CSMD1: variants seen among roughly 807,000 people sequenced by gnomAD.
CSMD1 encodes the protein CUB and sushi domain-containing protein 1.
In CSMD1, 213 loss-of-function variants were observed where a neutral mutation model predicts 417.5. That is an observed-to-expected ratio of 0.51 (90% CI 0.46 to 0.57). The LOEUF (loss-of-function observed/expected upper bound fraction) is 0.57. Ranked by LOEUF, CSMD1 falls within the 20% of genes least tolerant of loss-of-function variation. The probability of loss-of-function intolerance (pLI) is 0.00; values close to 1 mark genes in which losing one functional copy is unlikely to be tolerated. For missense variants in CSMD1, 6,923 were observed against 4,529.7 expected (o/e 1.53, Z -15.17); for synonymous variants, 2,862 against 1,736.8 (o/e 1.65, Z -16.11).
At chr8:4,280,410 T>C (rs1029442397) in intron 3 of CSMD1, among the ~76,000 whole-genome samples, 2 of 152,230 alleles carry the variant, frequency 1.3e-5, no homozygotes, top group Admixed American at 1.3e-4. Flanking sequence ...AATCTGACAA[T>C]TAAATTTTAG....
rs982619972 is a variant in CSMD1 at position 4,410,146 on chromosome 8, G to A, written c.415+9807C>T. Among the ~76,000 whole-genome samples, 4 of 152,228 alleles carry A rather than the reference G, an allele frequency of 2.6e-5. No individual in the cohort carries two copies. The South Asian group carries it at 8.3e-4, about 32-fold the overall frequency. On this transcript the variant is annotated intron_variant, in intron 3 of 69. Coordinates refer to ENST00000635120, the MANE Select transcript of CSMD1 (RefSeq NM_033225.6). ...TTATAATCTTTGAAGCCATCTTCTA[G>A]GCTAATCTAGGCCAAATGGAAGGAG...
chr8:4,008,766 A>T (rs1214190088), intron 4 of CSMD1, among the ~76,000 whole-genome samples: 1 of 151,148 alleles, frequency 6.6e-6, no homozygotes, highest in African/African-American at 2.4e-5. Context: ...ATCCGGCACC[A>T]CGCCTGGCTA....
At chr8:3,219,150 C>A (rs993796160) in intron 29 of CSMD1, 105 bp downstream of exon 29, 8 of 869,610 alleles carry the variant, frequency 9.2e-6, no homozygotes, top group Admixed American at 7.1e-5. Flanking sequence ...CACATATCAG[C>A]ATTTATGTAT....
intron 7 of CSMD1, among the ~76,000 whole-genome samples, chr8:3,662,955 T>G (rs112541773): frequency 6.6e-6 from 1 of 152,046 alleles, no homozygotes; most frequent in Non-Finnish European, 1.5e-5. Context: ...TGTGTTCCTA[T>G]GTAACAAACC....
intron 3 of CSMD1, among the ~76,000 whole-genome samples, chr8:4,224,343 T>G (rs116238991): frequency 5.9e-5 from 9 of 152,158 alleles, no homozygotes; most frequent in African/African-American, 2.2e-4. Flanking sequence ...TTGGCAGCCT[T>G]AGGTACATGT....
chr8:4,867,940 G>A (rs1745908417), intron 1 of CSMD1, among the ~76,000 whole-genome samples: 1 of 134,380 alleles, frequency 7.4e-6, no homozygotes, highest in Admixed American at 8.3e-5. Context: ...GTCTACGTGT[G>A]TGTGTTTCTA....
chr8:4,067,489 T>C (rs1799313733), intron 3 of CSMD1, among the ~76,000 whole-genome samples: 1 of 152,178 alleles, frequency 6.6e-6, no homozygotes, highest in Non-Finnish European at 1.5e-5. Context: ...ATTACTTTTT[T>C]TTTTAATTTC....
At chr8:4,403,590 T>G (rs145493187) in intron 3 of CSMD1, among the ~76,000 whole-genome samples, 125 of 152,298 alleles carry the variant, frequency 8.2e-4, no homozygotes, top group African/African-American at 2.8e-3. Context: ...TCTAGGACAG[T>G]ACACACTCCT....
At chr8:3,811,151 T>A (rs756763585) in intron 5 of CSMD1, among the ~76,000 whole-genome samples, 1 of 152,194 alleles carries the variant, frequency 6.6e-6, no homozygotes, top group Non-Finnish European at 1.5e-5. Flanking sequence ...TGATATTAAA[T>A]ATCCAACAGG....
At chr8:3,544,891 C>A (rs995722557) in intron 10 of CSMD1, among the ~76,000 whole-genome samples, 1 of 152,162 alleles carries the variant, frequency 6.6e-6, no homozygotes, top group African/African-American at 2.4e-5. Context: ...ATGGTTATTT[C>A]TATGAATTAA....
At chr8:4,069,548 C>G (rs114028859) in intron 3 of CSMD1, among the ~76,000 whole-genome samples, 1,851 of 152,302 alleles carry the variant, frequency 0.012, 39 homozygotes, top group African/African-American at 0.042. Context: ...CCCTCCCTCT[C>G]CGCCTCCCAT....
At chr8:4,797,378 G>A (rs919220952) in intron 1 of CSMD1, among the ~76,000 whole-genome samples, 13 of 152,138 alleles carry the variant, frequency 8.5e-5, no homozygotes, top group African/African-American at 4.8e-5. Flanking sequence ...AGAGTGTTCC[G>A]CCTGAATCTA....
chr8:3,345,617 T>C (rs1198125006), intron 22 of CSMD1, among the ~76,000 whole-genome samples: 2 of 152,188 alleles, frequency 1.3e-5, no homozygotes, highest in African/African-American at 4.8e-5. Flanking sequence ...AGTAGCTAGA[T>C]TCAAAGGGTT....
chr8:3,888,304 G>C (rs904766837), intron 5 of CSMD1, among the ~76,000 whole-genome samples: 5 of 152,152 alleles, frequency 3.3e-5, no homozygotes, highest in African/African-American at 1.2e-4. Flanking sequence ...TTGACACTTT[G>C]ATCTTCAAGG....
intron 5 of CSMD1, among the ~76,000 whole-genome samples, chr8:3,885,719 C>T (rs1016719847): frequency 2.0e-5 from 3 of 152,116 alleles, no homozygotes; most frequent in Non-Finnish European, 4.4e-5. Context: ...AAATTTCAGG[C>T]ACTCAGGAAT....
rs150399466 is a variant in CSMD1 at position 3,236,218 on chromosome 8, G to A, written c.4154-5987C>T. On this transcript the variant is annotated intron_variant, in intron 26 of 69. Coordinates refer to ENST00000635120, the MANE Select transcript of CSMD1 (RefSeq NM_033225.6). ...CAGGTGTGAGCCACCGCGCCTCGCC[G>A]AAAATGTGAGTTTCAATAAAATAAT... 3.0e-3 allele frequency among the ~76,000 whole-genome samples: 453 copies of A among 152,060 alleles called. 4 individuals carry two copies. Among genetic ancestry groups the A allele is most frequent in the African/African-American group, 0.011 (437 of 41,486 alleles).
rs148709636 is a variant in CSMD1 at position 4,820,709 on chromosome 8, G to C, written c.85+173623C>G. Among the ~76,000 whole-genome samples, 564 of 152,234 alleles carry C rather than the reference G, an allele frequency of 3.7e-3. 4 individuals carry two copies. The highest frequency in any genetic ancestry group is 0.012 in the African/African-American group (514 of 41,540). ...ATCATTTCCTTAACAAGGCTGCATAGCTCATGGACTAATAAGGATCTAACT... is the reference window on the plus strand; with the variant it reads ...ATCATTTCCTTAACAAGGCTGCATACCTCATGGACTAATAAGGATCTAACT... On this transcript the variant is annotated intron_variant, in intron 1 of 69. Transcript: ENST00000635120.
intron 48 of CSMD1, among the ~76,000 whole-genome samples, chr8:3,089,219 T>A (rs141352484): frequency 6.6e-6 from 1 of 152,206 alleles, no homozygotes; most frequent in Admixed American, 6.5e-5. Flanking sequence ...AGCTGGGATA[T>A]AGAATGAAAA....
At chr8:3,252,934 CT>C (rs1800383437) in intron 26 of CSMD1, among the ~76,000 whole-genome samples, 1 of 152,066 alleles carries the variant, frequency 6.6e-6, no homozygotes, top group South Asian at 2.1e-4. Context: ...TTTATTGTGT[CT>C]ATTTGATTAT....
Sources: gnomAD v4.1 joint callset for allele counts (sites outside exome capture counted in the v4.1 genomes callset) on GRCh38, gnomAD v4.1.1 for gene constraint, MANE v1.5 for transcripts, NCBI Gene and HGNC (gene_info 2026-07-23, HGNC 2026-07-21) for gene names.